SBK1: variants seen among roughly 807,000 people sequenced by gnomAD.
The protein encoded by SBK1 is serine/threonine-protein kinase SBK1.
Under a neutral mutation model 24.4 loss-of-function variants are expected in SBK1, and 11 were observed. The observed-to-expected ratio is 0.45, with a 90% CI of 0.28 to 0.75. The LOEUF (loss-of-function observed/expected upper bound fraction) is 0.75, where lower values mean the gene tolerates loss of function less well. Among genes scored for constraint, SBK1 ranks in the 30% least tolerant of loss-of-function variants. The pLI is 0.12. For synonymous variants in SBK1, 308 were observed against 284.4 expected, an observed-to-expected ratio of 1.08 and a Z score of -0.83; for missense variants, 467 against 620.5, an observed-to-expected ratio of 0.75 and a Z score of 2.63.
Position 28,321,816 on chromosome 16 carries a change from G to A in SBK1, c.*895G>A, listed in dbSNP as rs995998921. 4.6e-5 allele frequency: 7 copies of A among 152,472 alleles called. No homozygotes were observed. The highest frequency in any genetic ancestry group is 1.4e-4 in the African/African-American group (6 of 41,422). The allele number at this position is 152,472 out of a possible 1,614,324, so 9.4% of individuals were successfully genotyped here. ...GGCAGGGGAGTTAGTGTGGAGCCGA[G>A]AGCAGGTCCCAGCTCCCCCTGCCAG... On this transcript the variant is annotated 3_prime_UTR_variant, in exon 4 of 4. Transcript: ENST00000341901.
chr16:28,283,687 G>C (rs548952829), intron 1 of SBK1, among the ~76,000 whole-genome samples: 1 of 152,308 alleles, frequency 6.6e-6, no homozygotes, highest in Admixed American at 6.5e-5. Flanking sequence ...ATGTATCAGG[G>C]AATGTGGGTA....
At chr16:28,296,974 A>G (rs1244687617) in intron 1 of SBK1, among the ~76,000 whole-genome samples, 1 of 152,180 alleles carries the variant, frequency 6.6e-6, no homozygotes, top group East Asian at 1.9e-4. Flanking sequence ...TTCTAGGACT[A>G]AGTCCAAGCT....
In SBK1 at chr16:28,323,632, T is replaced by A. The variant is rs2044875163; in HGVS notation, c.*2711T>A. ...ACTGTGGCCAGTGGGACAGTCCTGGTGGCTGACATCAGCGTCCATGCTTGG... is the reference window on the plus strand; with the variant it reads ...ACTGTGGCCAGTGGGACAGTCCTGGAGGCTGACATCAGCGTCCATGCTTGG... On this transcript the variant is annotated 3_prime_UTR_variant, in exon 4 of 4. Coordinates refer to ENST00000341901, the MANE Select transcript of SBK1 (RefSeq NM_001024401.3). 6.5e-6 allele frequency: 1 copy of A among 152,764 alleles called. No individual in the cohort carries two copies. Among genetic ancestry groups the A allele is most frequent in the African/African-American group, 2.4e-5 (1 of 41,446 alleles). 9.5% of individuals were successfully genotyped at this position (152,764 alleles called of 1,614,324 possible).
At chr16:28,274,630 TGAGA>T (rs936549864) in intron 1 of SBK1, among the ~76,000 whole-genome samples, 1 of 151,898 alleles carries the variant, frequency 6.6e-6, no homozygotes, top group Non-Finnish European at 1.5e-5. Context: ...CCAGCCTGGG[TGAGA>T]GAGTGAGACT....
chr16:28,281,685 C>A (rs1454789209), intron 1 of SBK1, among the ~76,000 whole-genome samples: 1 of 152,176 alleles, frequency 6.6e-6, no homozygotes, highest in Non-Finnish European at 1.5e-5. Context: ...ATGATGATAG[C>A]GTCCACACCC....
At chr16:28,296,249 A>C (rs1390174383) in intron 1 of SBK1, among the ~76,000 whole-genome samples, 1 of 151,744 alleles carries the variant, frequency 6.6e-6, no homozygotes, top group Non-Finnish European at 1.5e-5. Flanking sequence ...ACCCGCCACC[A>C]TGCCTGGCTA....
At chr16:28,316,514 T>C (rs2044797240) in intron 1 of SBK1, among the ~76,000 whole-genome samples, 1 of 151,892 alleles carries the variant, frequency 6.6e-6, no homozygotes, top group African/African-American at 2.4e-5. Flanking sequence ...CTGGTAATCC[T>C]AGTGCTTTGG....
Position 28,317,226 on chromosome 16 carries a change from G to A in SBK1, c.-7-159G>A, listed in dbSNP as rs1452745136. ...GCCTGGCCCCTGAGGCTTTGGGGAA[G>A]GCGACGCGACCAAGATGCTTGTCGC... On this transcript the variant is annotated intron_variant, in intron 1 of 3. Coordinates refer to ENST00000341901, the MANE Select transcript of SBK1 (RefSeq NM_001024401.3). The surrounding 1 kb of genome is among the most constrained non-coding windows in gnomAD (Gnocchi z 4.2). Among the ~76,000 whole-genome samples, 2 of 152,140 alleles carry A rather than the reference G, an allele frequency of 1.3e-5. No individual in the cohort carries two copies. The highest frequency in any genetic ancestry group is 2.9e-5 in the Non-Finnish European group (2 of 68,026).
At chr16:28,311,939 G>A (rs1175199861) in intron 1 of SBK1, among the ~76,000 whole-genome samples, 2 of 152,258 alleles carry the variant, frequency 1.3e-5, no homozygotes, top group Non-Finnish European at 2.9e-5. Flanking sequence ...GAGGCAGGGA[G>A]GGCTTGTAGC....
intron 1 of SBK1, among the ~76,000 whole-genome samples, chr16:28,307,313 G>A (rs546400579): frequency 1.3e-5 from 2 of 152,242 alleles, no homozygotes; most frequent in African/African-American, 2.4e-5. Flanking sequence ...GAGGCACAGA[G>A]TGGTCATGTC....
At chr16:28,302,692 G>A (rs368884209) in intron 1 of SBK1, among the ~76,000 whole-genome samples, 7 of 152,264 alleles carry the variant, frequency 4.6e-5, no homozygotes, top group African/African-American at 1.4e-4. Context: ...TCATGCCTAC[G>A]CTACCCCTTT....
chr16:28,303,373 AGGTT>A (rs2044692583), intron 1 of SBK1, among the ~76,000 whole-genome samples: 1 of 152,000 alleles, frequency 6.6e-6, no homozygotes, highest in Non-Finnish European at 1.5e-5. Context: ...GAGAGTGACC[AGGTT>A]GGGTGCTGAG....
intron 1 of SBK1, among the ~76,000 whole-genome samples, chr16:28,267,546 C>T (rs918441955): frequency 5.1e-4 from 77 of 152,180 alleles, no homozygotes; most frequent in African/African-American, 1.8e-3. Flanking sequence ...TGGATGTTTG[C>T]AGGGGGCCAT....
At chr16:28,308,856 C>G (rs1293435047) in intron 1 of SBK1, among the ~76,000 whole-genome samples, 2 of 151,608 alleles carry the variant, frequency 1.3e-5, no homozygotes, top group Non-Finnish European at 1.5e-5. Context: ...GTGATCATGT[C>G]TCACTGCAGC....
chr16:28,264,337 G>A (rs927604199), intron 1 of SBK1, among the ~76,000 whole-genome samples: 6 of 151,994 alleles, frequency 3.9e-5, no homozygotes, highest in Non-Finnish European at 7.4e-5. Flanking sequence ...ACTTTGGGAG[G>A]CAGAGGCGGG....
intron 1 of SBK1, among the ~76,000 whole-genome samples, chr16:28,281,319 C>G (rs759026151): frequency 6.6e-6 from 1 of 152,148 alleles, no homozygotes; most frequent in Non-Finnish European, 1.5e-5. Context: ...CTGCCTCCTC[C>G]GGGCCAGCTC....
At chr16:28,292,406 G>A, upstream of SBK1, 1 of 436,778 alleles carries the variant, frequency 2.3e-6, no homozygotes, top group Non-Finnish European at 3.0e-6. Flanking sequence ...GGGTGAGCGC[G>A]CTTGCGCGAG....
At chr16:28,290,554 G>T (rs900871424), upstream of SBK1, 3 of 152,268 alleles carry the variant, frequency 2.0e-5, no homozygotes, top group African/African-American at 7.2e-5. Flanking sequence ...AGAATCACTT[G>T]AACCCCGCAG....
Position 28,259,374 on chromosome 16 carries a change from C to T in SBK1, c.129C>T (p.Pro43=). The change falls in exon 1 of 4, where the codon CCC becomes CCT. Residue 43 remains proline, a synonymous_variant. Transcript: ENST00000671413. This position sits in a 1 kb window ranked among gnomAD's most constrained non-coding sequence, Gnocchi z 6.0. ...CTGCGGAGGCCACCCCTGGCCACCC[C>T]TGCCCTGTCCTGGAGCTGCCTCCGG... 1 of 905,042 alleles carries T rather than the reference C, an allele frequency of 1.1e-6. No individual in the cohort carries two copies. The highest frequency in any genetic ancestry group is 1.3e-6 in the Non-Finnish European group (1 of 756,784). 56.1% of individuals were successfully genotyped at this position (905,042 alleles called of 1,614,324 possible).
Sources: gnomAD v4.1 joint callset for allele counts (sites outside exome capture counted in the v4.1 genomes callset) on GRCh38, gnomAD v4.1.1 for gene constraint, Gnocchi (gnomAD v3.1) non-coding constraint, MANE v1.5 for transcripts, NCBI Gene and HGNC (gene_info 2026-07-23, HGNC 2026-07-21) for gene names.